CDHR2: variants seen among roughly 807,000 people sequenced by gnomAD.
The protein encoded by CDHR2 is cadherin-related family member 2.
A neutral mutation model predicts 138.6 loss-of-function variants in CDHR2; 104 were observed. The ratio of observed to expected loss-of-function variants is 0.75; its 90% CI spans 0.64 to 0.88. CDHR2 has a LOEUF of 0.88. Among genes scored for constraint, CDHR2 ranks in the 40% least tolerant of loss-of-function variants. The pLI, the probability that CDHR2 is intolerant of heterozygous loss-of-function variation, is 0.00. For synonymous variants in CDHR2, 755 were observed against 742.8 expected (o/e 1.02, Z -0.27); for missense variants, 1,624 against 1,727.6 (o/e 0.94, Z 1.06).
At chr5:176,548,296 AC>A (rs61392055), upstream of CDHR2, among the ~76,000 whole-genome samples, 1,784 of 152,362 alleles carry the variant, frequency 0.012, 36 homozygotes, top group African/African-American at 0.04. Flanking sequence ...GAAGAGGGCC[AC>A]CCAATGGTGA....
At chr5:176,570,059 T>C (rs12518903) in intron 5 of CDHR2, among the ~76,000 whole-genome samples, 37,076 of 151,984 alleles carry the variant, frequency 0.24, 4,817 homozygotes, top group East Asian at 0.48. Flanking sequence ...CTTTGACACT[T>C]CTCAGCGCTG....
rs187441333 is a variant in CDHR2 at position 176,566,807 on chromosome 5, C to T, written c.124+1064C>T. On this transcript the variant is annotated intron_variant, in intron 3 of 31. Coordinates refer to ENST00000261944, the MANE Select transcript of CDHR2 (RefSeq NM_017675.6). The stretch of plus-strand genomic sequence containing the variant: ...TGGCCAAAACTAAGCCACAGACCCA[C>T]GCCTAGCTGCAAGGGAACCTGGCAA... 8.2e-4 allele frequency: 327 copies of T among 400,134 alleles called. 3 individuals carry two copies. The highest frequency in any genetic ancestry group is 5.4e-3 in the African/African-American group (262 of 48,442). 24.8% of individuals were successfully genotyped at this position (400,134 alleles called of 1,614,324 possible). A position where few individuals can be genotyped will look rare whatever the true frequency, so the allele number is the denominator to read the frequency against.
chr5:176,590,940 G>A (rs1050378588), intron 28 of CDHR2, among the ~76,000 whole-genome samples: 4 of 152,192 alleles, frequency 2.6e-5, no homozygotes, highest in Admixed American at 1.3e-4. Context: ...CCAGCTAGAC[G>A]TCTGGCACAC....
At chr5:176,582,080 G>A (rs994766362) in intron 17 of CDHR2, among the ~76,000 whole-genome samples, 2 of 152,188 alleles carry the variant, frequency 1.3e-5, no homozygotes, top group African/African-American at 4.8e-5. Context: ...CAGTGCAATA[G>A]TGCCATCATG....
intron 5 of CDHR2, among the ~76,000 whole-genome samples, chr5:176,570,393 TG>T (rs1758196463): frequency 6.6e-6 from 1 of 152,258 alleles, no homozygotes; most frequent in South Asian, 2.1e-4. Context: ...TTGCCCAGGC[TG>T]GAGTGCAGTG....
chr5:176,543,374 G>C lies in CDHR2; in HGVS notation c.-16+605G>C, dbSNP rs1757503183. On this transcript the variant is annotated intron_variant, in intron 1 of 31. Transcript: ENST00000510636. This position sits in a 1 kb window ranked among gnomAD's most constrained non-coding sequence, Gnocchi z 4.0. ...GCGCCGCCTGCCGCGGCCCCTCTCC[G>C]GCCCGGTGCAGGGGAACCGTCCGCG... Among the ~76,000 whole-genome samples the C allele has an allele frequency of 1.3e-5, 2 of 149,562 alleles. No homozygotes were observed. The highest frequency in any genetic ancestry group is 1.3e-4 in the Admixed American group (2 of 15,058).
chr5:176,552,772 CA>C (rs1228368941), intron 1 of CDHR2, among the ~76,000 whole-genome samples: 2 of 152,212 alleles, frequency 1.3e-5, no homozygotes, highest in African/African-American at 2.4e-5. Context: ...AGGGATGAGG[CA>C]AGAAAGAGCA....
At chr5:176,549,156 C>A (rs1434055978), upstream of CDHR2, among the ~76,000 whole-genome samples, 2 of 152,218 alleles carry the variant, frequency 1.3e-5, no homozygotes, top group East Asian at 3.9e-4. Context: ...GTGGTGTGGG[C>A]CTCCAGCCCC....
chr5:176,564,548 G>T (rs551944009), intron 1 of CDHR2, among the ~76,000 whole-genome samples: 2 of 152,316 alleles, frequency 1.3e-5, no homozygotes, highest in East Asian at 3.9e-4. Flanking sequence ...GTGAATCAAA[G>T]TCCCCCTTTT....
At chr5:176,592,537 T>G (rs1758912005) in intron 30 of CDHR2, among the ~76,000 whole-genome samples, 186 bp from the exon 31 acceptor site, 1 of 150,676 alleles carries the variant, frequency 6.6e-6, no homozygotes, top group East Asian at 2.0e-4. Flanking sequence ...GTGGTGTTGG[T>G]GTTGAGGTGA....
chr5:176,559,745 A>ACTAG, intron 1 of CDHR2, among the ~76,000 whole-genome samples: 1 of 152,112 alleles, frequency 6.6e-6, no homozygotes, highest in Non-Finnish European at 1.5e-5. Flanking sequence ...GTGGCTGTCA[A>ACTAG]CTAGGGGTGA....
intron 29 of CDHR2, 27 bp from the exon 30 acceptor site, chr5:176,591,377 G>C (rs1758837830): frequency 1.9e-6 from 3 of 1,613,110 alleles, no homozygotes; most frequent in Non-Finnish European, 2.5e-6. Flanking sequence ...CTGAGGGCCA[G>C]GCAACTTGAC....
intron 5 of CDHR2, among the ~76,000 whole-genome samples, chr5:176,569,987 A>G (rs1339987935): frequency 6.6e-6 from 1 of 152,098 alleles, no homozygotes; most frequent in Non-Finnish European, 1.5e-5. Flanking sequence ...AGATAAAACG[A>G]AAGTCCCCTT....
At chr5:176,588,688 T>C (rs1351152623) in intron 21 of CDHR2, among the ~76,000 whole-genome samples, 1 of 143,976 alleles carries the variant, frequency 6.9e-6, no homozygotes. Flanking sequence ...AGAGGGTGTG[T>C]ATGTGAGAGA....
At position 176,553,462 on chromosome 5, in the gene CDHR2, G is replaced by C. The variant is rs955576060; in HGVS notation, c.-16+4048G>C. Among the ~76,000 whole-genome samples, 6 of 152,288 alleles carry C rather than the reference G, an allele frequency of 3.9e-5. No individual in the cohort carries two copies. The South Asian group carries it at 1.2e-3, about 32-fold the overall frequency. ...CTCCTGTCCTGCAGGCTGGACCCAG[G>C]GGAACTTTGTAATGATGATGAATCC... On this transcript the variant is annotated intron_variant, in intron 1 of 31. Coordinates refer to ENST00000261944, the MANE Select transcript of CDHR2 (RefSeq NM_017675.6). This position sits in a 1 kb window ranked among gnomAD's most constrained non-coding sequence, Gnocchi z 4.3.
chr5:176,563,073 C>T (rs937342430), intron 1 of CDHR2, among the ~76,000 whole-genome samples: 7 of 152,068 alleles, frequency 4.6e-5, no homozygotes, highest in Non-Finnish European at 1.0e-4. Flanking sequence ...ATGGGCTGGG[C>T]GCAGTGGCTC....
chr5:176,595,726 G>T lies in CDHR2; in HGVS notation c.*54G>T. On this transcript the variant is annotated 3_prime_UTR_variant, in exon 32 of 32. Coordinates refer to ENST00000261944, the MANE Select transcript of CDHR2 (RefSeq NM_017675.6). The stretch of plus-strand genomic sequence containing the variant: ...GAAGAGGCCCTACCACACCCTAACT[G>T]CACCTGTCTCCCTGGAGATGAAAAT... 11 of 1,424,950 alleles carry T rather than the reference G, an allele frequency of 7.7e-6. No homozygotes were observed. The highest frequency in any genetic ancestry group is 1.0e-5 in the Non-Finnish European group (11 of 1,075,308). 88.3% of individuals were successfully genotyped at this position (1,424,950 alleles called of 1,614,324 possible). A position where few individuals can be genotyped will look rare whatever the true frequency, so the allele number is the denominator to read the frequency against.
chr5:176,568,608 C>G (rs1005909055), intron 3 of CDHR2, 70 bp from the exon 4 acceptor site: 5 of 1,565,640 alleles, frequency 3.2e-6, no homozygotes, highest in Admixed American at 1.8e-5. Flanking sequence ...CCCAGCCTCA[C>G]AGCCAGCTTG....
chr5:176,585,778 T>G (rs536793498), intron 19 of CDHR2, among the ~76,000 whole-genome samples, 176 bp from the exon 20 acceptor site: 1 of 142,498 alleles, frequency 7.0e-6, no homozygotes, highest in Non-Finnish European at 1.5e-5. Context: ...CTGCGGGGCA[T>G]GGGGTTGAGG....
Sources: gnomAD v4.1 joint callset for allele counts (sites outside exome capture counted in the v4.1 genomes callset) on GRCh38, gnomAD v4.1.1 for gene constraint, Gnocchi (gnomAD v3.1) non-coding constraint, MANE v1.5 for transcripts, NCBI Gene and HGNC (gene_info 2026-07-23, HGNC 2026-07-21) for gene names.